The following RASA2 variants were observed in gnomAD, a reference collection of about 807,000 sequenced individuals.
The protein encoded by RASA2 is RAS p21 protein activator 2.
Under a neutral mutation model 118.2 loss-of-function variants are expected in RASA2, and 155 were observed. The ratio of observed to expected loss-of-function variants is 1.31; its 90% confidence interval spans 1.15 to 1.50. The LOEUF is 1.50. RASA2 is among the 40% of genes most tolerant of loss of function. RASA2 has a pLI of 0.00. For synonymous variants in RASA2, 353 were observed against 349.1 expected, an observed-to-expected ratio of 1.01 and a Z score of -0.12; for missense variants, 1,016 against 1,009.6, an observed-to-expected ratio of 1.01 and a Z score of -0.09.
chr3:141,518,940 C>G (rs1313435060), intron 3 of RASA2, among the ~76,000 whole-genome samples: 1 of 152,032 alleles, frequency 6.6e-6, no homozygotes, highest in East Asian at 1.9e-4. Flanking sequence ...TACATAATAT[C>G]CTTTATAGAA....
At chr3:141,560,386 T>C (rs1281227873) in intron 9 of RASA2, among the ~76,000 whole-genome samples, 2 of 152,158 alleles carry the variant, frequency 1.3e-5, no homozygotes, top group East Asian at 1.9e-4. Context: ...AAGCAAAGGA[T>C]TTTATTTAGG....
At chr3:141,600,434 A>C in intron 19 of RASA2, 1 of 424,070 alleles carries the variant, frequency 2.4e-6, no homozygotes, top group Admixed American at 2.8e-5. Context: ...GCCCCCGACC[A>C]CATTCTAATA....
chr3:141,493,152 T>C lies in RASA2; in HGVS notation c.133+5936T>C, dbSNP rs149721581. 2.6e-5 allele frequency among the ~76,000 whole-genome samples: 4 copies of C among 152,326 alleles called. No homozygotes were observed. In the East Asian group the frequency reaches 7.7e-4, roughly 29 times the overall value. ...TCAAAGTTCTTTCTAGAATGCTATA[T>C]GAGATTAACTTATTACTATGAATGT... is the stretch of plus-strand genomic sequence containing the variant. On this transcript the variant is annotated intron_variant, in intron 1 of 23. Coordinates refer to ENST00000286364, the MANE Select transcript of RASA2 (RefSeq NM_006506.5).
rs2082540117 is a variant in RASA2 at position 141,549,486 on chromosome 3, T to TGTGCGTGTGC, written c.528-4368_528-4367insCGTGTGCGTG. Among the ~76,000 whole-genome samples, 5 of 129,526 alleles carry TGTGCGTGTGC rather than the reference T, an allele frequency of 3.9e-5. No individual in the cohort carries two copies. The South Asian group carries it at 1.2e-3, about 31-fold the overall frequency. 85.0% of individuals were successfully genotyped at this position (129,526 alleles called of 152,430 possible). ...GAGTGTGTATGAGTGTGTGTGTGCGTGTGTGTGTGTGTGTGTGTGTGTGTG... is the reference window on the plus strand; with the variant it reads ...GAGTGTGTATGAGTGTGTGTGTGCGTGTGCGTGTGCGTGTGTGTGTGTGTGTGTGTGTGTG... On this transcript the variant is annotated intron_variant, in intron 5 of 23. Transcript: ENST00000286364.
chr3:141,608,625 T>C lies in RASA2; in HGVS notation c.2153T>C (p.Val718Ala). The change falls in exon 21 of 24, where the codon GTG (valine) becomes GCG (alanine). Residue 718 changes from valine (V) to alanine (A), a missense_variant. Physicochemically the swap from Val to Ala is moderately conservative, Grantham distance 64 (BLOSUM62 0). This residue lies in a region of RASA2 where 120 missense variants were observed against 173.2 expected (regional missense o/e 0.69). Transcript: ENST00000286364. ...QNRLSFYHPS[V>A]YLNGNWLCCQ... ...AGGCTCAGTTTTTATCATCCCTCTGTGTATCTGAACGGAAATTGGCTCTGC... is the reference window on the plus strand; with the variant it reads ...AGGCTCAGTTTTTATCATCCCTCTGCGTATCTGAACGGAAATTGGCTCTGC... 1 of 1,614,026 alleles carries C rather than the reference T, an allele frequency of 6.2e-7. No homozygotes were observed. The highest frequency in any genetic ancestry group is 8.5e-7 in the Non-Finnish European group (1 of 1,179,918).
chr3:141,581,208 A>G lies in RASA2; in HGVS notation c.1752+31A>G. 2 of 1,360,930 alleles carry G rather than the reference A, an allele frequency of 1.5e-6. 1 individual carries two copies. Among genetic ancestry groups the G allele is most frequent in the Non-Finnish European group, 1.9e-6 (2 of 1,028,056 alleles). The allele number at this position is 1,360,930 out of a possible 1,614,324, so 84.3% of individuals were successfully genotyped here. A position where few individuals can be genotyped will look rare whatever the true frequency, so the allele number is the denominator to read the frequency against. The stretch of plus-strand genomic sequence containing the variant: ...ATGGTTTTATTCTGGAATTGTTAAT[A>G]TTTATTTCATATAACATGGGGAAAT... On this transcript the variant is annotated intron_variant, in intron 17 of 23. Coordinates refer to ENST00000286364, the MANE Select transcript of RASA2 (RefSeq NM_006506.5).
At chr3:141,490,828 A>G (rs2081631846) in intron 1 of RASA2, among the ~76,000 whole-genome samples, 1 of 152,184 alleles carries the variant, frequency 6.6e-6, no homozygotes, top group African/African-American at 2.4e-5. Flanking sequence ...ATATTCTCAT[A>G]TATAAAATGG....
At chr3:141,527,213 G>A (rs929079169) in intron 3 of RASA2, among the ~76,000 whole-genome samples, 3 of 152,160 alleles carry the variant, frequency 2.0e-5, no homozygotes, top group Admixed American at 2.0e-4. Context: ...ACTTGTTTTA[G>A]TGGTGTTTGT....
chr3:141,571,767 T>C (rs1006929835), intron 11 of RASA2, among the ~76,000 whole-genome samples: 2 of 152,098 alleles, frequency 1.3e-5, no homozygotes, highest in Non-Finnish European at 2.9e-5. Context: ...GATGTTTTTC[T>C]TTAACTCAGG....
chr3:141,515,559 A>G (rs538833983), intron 2 of RASA2, among the ~76,000 whole-genome samples: 1 of 152,290 alleles, frequency 6.6e-6, no homozygotes, highest in Admixed American at 6.5e-5. Context: ...GGCTTTTCAA[A>G]TTCTTTTCAA....
chr3:141,492,785 G>C (rs2081654078), intron 1 of RASA2, among the ~76,000 whole-genome samples: 1 of 152,172 alleles, frequency 6.6e-6, no homozygotes, highest in African/African-American at 2.4e-5. Flanking sequence ...TATTAGATAA[G>C]AGCGTTTGAA....
chr3:141,497,337 G>T (rs1039776542), intron 1 of RASA2, among the ~76,000 whole-genome samples: 1 of 150,354 alleles, frequency 6.7e-6, no homozygotes, highest in South Asian at 2.1e-4. Flanking sequence ...AAAAAAAAGA[G>T]CGAGTTAGCC....
chr3:141,547,752 G>A (rs957367590), intron 5 of RASA2, among the ~76,000 whole-genome samples: 2 of 152,108 alleles, frequency 1.3e-5, no homozygotes, highest in African/African-American at 2.4e-5. Flanking sequence ...GGGCATCCTT[G>A]TCATGTTCCA....
intron 18 of RASA2, 45 bp from the exon 19 acceptor site, chr3:141,586,601 C>T (rs1373399164): frequency 7.3e-7 from 1 of 1,366,590 alleles, no homozygotes. Context: ...TTTGGATTAA[C>T]TTTTAATTTT....
chr3:141,523,746 C>A (rs945835445), intron 3 of RASA2, among the ~76,000 whole-genome samples: 1 of 152,096 alleles, frequency 6.6e-6, no homozygotes, highest in South Asian at 2.1e-4. Context: ...TCTCCCCGAC[C>A]CCTCACTCCA....
At chr3:141,543,735 C>T (rs2151104802) in intron 5 of RASA2, among the ~76,000 whole-genome samples, 1 of 152,002 alleles carries the variant, frequency 6.6e-6, no homozygotes, top group African/African-American at 2.4e-5. Context: ...TTCCTTGTGT[C>T]CTCGATGGTT....
At chr3:141,581,269 T>C in intron 17 of RASA2, 92 bp downstream of exon 17, 1 of 991,040 alleles carries the variant, frequency 1.0e-6, no homozygotes, top group Non-Finnish European at 1.3e-6. Flanking sequence ...CAATCCCCAG[T>C]TTAAATAATA....
At chr3:141,528,849 A>G (rs994936912) in intron 3 of RASA2, among the ~76,000 whole-genome samples, 39 of 152,052 alleles carry the variant, frequency 2.6e-4, no homozygotes, top group African/African-American at 9.4e-4. Context: ...GGGCGTATAA[A>G]ATGAAAATTC....
In RASA2 at chr3:141,608,472, C is replaced by A. The variant is rs766888145; in HGVS notation, c.2017-17C>A. On this transcript the variant is annotated splice_polypyrimidine_tract_variant and intron_variant, in intron 20 of 23. Transcript: ENST00000286364. ...TGGACTCTTGTCACTAACTTTTTATCTTAATTGCCTATGAAGATGTTCCAA... is the reference window on the plus strand; with the variant it reads ...TGGACTCTTGTCACTAACTTTTTATATTAATTGCCTATGAAGATGTTCCAA... 2.1e-5 allele frequency: 34 copies of A among 1,610,220 alleles called. No individual in the cohort carries two copies. The highest frequency in any genetic ancestry group is 2.8e-5 in the Non-Finnish European group (33 of 1,176,814).
Sources: allele counts gnomAD v4.1 joint callset (sites outside exome capture counted in the v4.1 genomes callset), GRCh38; gene constraint gnomAD v4.1.1; regional missense constraint gnomAD v4.1.1; transcripts MANE v1.5; gene names NCBI Gene and HGNC (gene_info 2026-07-23, HGNC 2026-07-21).